The following PXK variants were observed in gnomAD, a reference collection of about 807,000 sequenced individuals.
PXK encodes the protein PX domain-containing protein kinase-like protein.
In PXK, 35 loss-of-function variants were observed where a neutral mutation model predicts 84.7. The ratio of observed to expected loss-of-function variants is 0.41; its 90% confidence interval spans 0.32 to 0.55. The LOEUF (loss-of-function observed/expected upper bound fraction) is 0.55, where lower values mean the gene tolerates loss of function less well. Among genes scored for constraint, PXK ranks in the 20% least tolerant of loss-of-function variants. The probability of loss-of-function intolerance (pLI) is 0.21; values close to 1 mark genes in which losing one functional copy is unlikely to be tolerated. For synonymous variants in PXK, 253 were observed against 260.8 expected (o/e 0.97, Z 0.29); for missense variants, 634 against 699.7 (o/e 0.91, Z 1.06).
chr3:58,352,593 T>C (rs2097955503), intron 1 of PXK, among the ~76,000 whole-genome samples: 1 of 152,220 alleles, frequency 6.6e-6, no homozygotes. Flanking sequence ...TTTCTTTACT[T>C]TGATGTAAGA....
In PXK at chr3:58,397,514, C is replaced by A; in HGVS notation, c.985-91C>A. ...AATTAGGAACGGGGCTATCCCTGGG[C>A]TTTGTTTCTCAGAGAAGCCTTGGGG... is the stretch of plus-strand genomic sequence containing the variant. On this transcript the variant is annotated intron_variant, in intron 10 of 17. Coordinates refer to ENST00000356151, the MANE Select transcript of PXK (RefSeq NM_017771.5). This position sits in a 1 kb window ranked among gnomAD's most constrained non-coding sequence, Gnocchi z 4.7. The A allele has an allele frequency of 2.7e-6, 3 of 1,121,154 alleles. No individual in the cohort carries two copies. The highest frequency in any genetic ancestry group is 1.3e-5 in the South Asian group (1 of 77,872). 69.5% of individuals were successfully genotyped at this position (1,121,154 alleles called of 1,614,324 possible).
chr3:58,347,905 G>A lies in PXK; in HGVS notation c.102+14815G>A, dbSNP rs149634422. Among the ~76,000 whole-genome samples the A allele has an allele frequency of 1.5e-3, 230 of 152,120 alleles. 3 individuals are homozygous for A. The highest frequency in any genetic ancestry group is 0.011 in the East Asian group (56 of 5,172). ...AGAGTAAGATTGAAGGTTTCTATGA[G>A]GCTAATGAACTTTGTTTTGTTTTTT... On this transcript the variant is annotated intron_variant, in intron 1 of 17. Coordinates refer to ENST00000356151, the MANE Select transcript of PXK (RefSeq NM_017771.5).
At chr3:58,374,780 A>G (rs1443810345) in intron 3 of PXK, among the ~76,000 whole-genome samples, 3 of 152,208 alleles carry the variant, frequency 2.0e-5, no homozygotes, top group African/African-American at 7.2e-5. Context: ...TAGAAATTCT[A>G]GGAGAAAGCT....
intron 1 of PXK, among the ~76,000 whole-genome samples, chr3:58,336,067 ATATATTT>A (rs1283050374): frequency 4.0e-4 from 24 of 59,508 alleles, no homozygotes; most frequent in African/African-American, 2.2e-3. Flanking sequence ...ATATATATAT[ATATATTT>A]TTTTTTTTTT....
At chr3:58,389,343 C>T (rs1256826234) in intron 4 of PXK, among the ~76,000 whole-genome samples, 1 of 152,064 alleles carries the variant, frequency 6.6e-6, no homozygotes, top group Non-Finnish European at 1.5e-5. Flanking sequence ...ATACTGTTTC[C>T]AGCTGACTTT....
chr3:58,405,273 C>G (rs1235387809), intron 13 of PXK, among the ~76,000 whole-genome samples: 1 of 140,482 alleles, frequency 7.1e-6, no homozygotes, highest in African/African-American at 2.4e-5. Flanking sequence ...TACCTACTTA[C>G]AGCTTTTTTT....
chr3:58,424,382 G>T (rs1410039802), intron 17 of PXK, among the ~76,000 whole-genome samples: 1 of 152,220 alleles, frequency 6.6e-6, no homozygotes, highest in African/African-American at 2.4e-5. Context: ...GAAGCAGACA[G>T]AGCTTCCTGG....
rs942672589 is a variant in PXK, at chr3:58,412,900, G to C, written c.1466-1G>C. On this transcript the variant is annotated splice_acceptor_variant, in intron 16 of 17. Transcript: ENST00000356151. LOFTEE classifies it high-confidence loss of function. The surrounding 1 kb of genome is among the most constrained non-coding windows in gnomAD (Gnocchi z 6.2). ...GAGGGTTTCTCTGTGTTTTATCTTA[G>C]CAGGATCTGGGGCCAGCTCACCTCT... 11 of 1,614,004 alleles carry C rather than the reference G, an allele frequency of 6.8e-6. No homozygotes were observed. Among genetic ancestry groups the C allele is most frequent in the Non-Finnish European group, 7.6e-6 (9 of 1,180,004 alleles).
intron 1 of PXK, among the ~76,000 whole-genome samples, chr3:58,356,361 C>T (rs920343921): frequency 3.3e-5 from 5 of 152,134 alleles, no homozygotes; most frequent in African/African-American, 1.2e-4. Flanking sequence ...TGTTAGCTCT[C>T]CTTTCCATGC....
chr3:58,396,919 A>T (rs1005562272), intron 9 of PXK, 120 bp from the exon 10 acceptor site: 2 of 1,074,276 alleles, frequency 1.9e-6, no homozygotes, highest in Non-Finnish European at 2.6e-6. Context: ...TTTCTTCAGG[A>T]ATCTTCTCAG....
intron 3 of PXK, among the ~76,000 whole-genome samples, chr3:58,377,704 C>T (rs777788702): frequency 4.6e-5 from 7 of 151,870 alleles, no homozygotes; most frequent in Non-Finnish European, 7.4e-5. Context: ...TTCTCCCTCC[C>T]GAAATCAGTC....
In PXK at chr3:58,369,446, A is replaced by T; in HGVS notation, c.169A>T (p.Ser57Cys). 6.2e-7 allele frequency: 1 copy of T among 1,610,280 alleles called. No homozygotes were observed. The highest frequency in any genetic ancestry group is 8.5e-7 in the Non-Finnish European group (1 of 1,176,642). ...TCTCTTACAGATTGTTAGAAGATAC[A>T]GTGACTTTGATTTGCTTAACAACAG... ...ENSWQIVRRY[S>C]DFDLLNNSLQ... Residue 57 changes from serine to cysteine, a missense_variant, in exon 3 of 18, where the codon AGT (serine) becomes TGT (cysteine). This residue lies in a region of PXK where 353 missense variants were observed against 385.2 expected (regional missense o/e 0.92). Transcript: ENST00000356151.
chr3:58,409,513 A>C lies in PXK; in HGVS notation c.1309-19A>C, dbSNP rs1023907431. 1.2e-6 allele frequency: 2 copies of C among 1,607,538 alleles called. No homozygotes were observed. Among genetic ancestry groups the C allele is most frequent in the Middle Eastern group, 1.7e-4 (1 of 6,048 alleles). On this transcript the variant is annotated intron_variant, in intron 14 of 17. Coordinates refer to ENST00000356151, the MANE Select transcript of PXK (RefSeq NM_017771.5). The surrounding 1 kb of genome is among the most constrained non-coding windows in gnomAD (Gnocchi z 4.2). Reference sequence around the variant, plus strand: ...GCTGCCTTATGTGGGATATGCTTACATCTTATGGTCTTTTAAAGATTCACC... The same window carrying C: ...GCTGCCTTATGTGGGATATGCTTACCTCTTATGGTCTTTTAAAGATTCACC...
chr3:58,402,958 C>T (rs1576610723), intron 12 of PXK, among the ~76,000 whole-genome samples: 2 of 151,888 alleles, frequency 1.3e-5, no homozygotes, highest in Admixed American at 1.3e-4. Flanking sequence ...CCCACCTCTC[C>T]CCCTAAATAG....
chr3:58,363,608 C>T (rs1033209551), intron 1 of PXK, among the ~76,000 whole-genome samples: 2 of 152,194 alleles, frequency 1.3e-5, no homozygotes, highest in South Asian at 2.1e-4. Context: ...AGGCATGAGC[C>T]GCTGAGTCTG....
At position 58,401,021 on chromosome 3, in the gene PXK, T is replaced by C. The variant is rs2058483857; in HGVS notation, c.1181+1644T>C. On this transcript the variant is annotated intron_variant, in intron 12 of 17. Coordinates refer to ENST00000356151, the MANE Select transcript of PXK (RefSeq NM_017771.5). This position sits in a 1 kb window ranked among gnomAD's most constrained non-coding sequence, Gnocchi z 4.4. ...GCACTTGTACTTAGGAAATAGCCTA[T>C]ATACAGGTTGATTTACTTGAGTTTG... 6.6e-6 allele frequency among the ~76,000 whole-genome samples: 1 copy of C among 152,226 alleles called. No individual in the cohort carries two copies. Among genetic ancestry groups the C allele is most frequent in the Non-Finnish European group, 1.5e-5 (1 of 68,038 alleles).
intron 7 of PXK, among the ~76,000 whole-genome samples, chr3:58,393,182 A>G (rs1423821109): frequency 6.6e-6 from 1 of 151,968 alleles, no homozygotes; most frequent in Non-Finnish European, 1.5e-5. Flanking sequence ...CCCTGTCTCT[A>G]CTAAAAATAG....
At chr3:58,378,701 ATTTTTTGTGT>A (rs769174118) in intron 3 of PXK, among the ~76,000 whole-genome samples, 7 of 149,452 alleles carry the variant, frequency 4.7e-5, no homozygotes, top group Admixed American at 1.3e-4. Context: ...TGCTCAGCTA[ATTTTTTGTGT>A]TTTTAGTAGA....
chr3:58,388,786 A>G (rs574465342), intron 4 of PXK, among the ~76,000 whole-genome samples: 3 of 152,350 alleles, frequency 2.0e-5, no homozygotes, highest in South Asian at 2.1e-4. Context: ...AAAATGTACT[A>G]TAAAATATAT....
Sources: allele counts gnomAD v4.1 joint callset (sites outside exome capture counted in the v4.1 genomes callset), GRCh38; gene constraint gnomAD v4.1.1; regional missense constraint gnomAD v4.1.1; non-coding constraint Gnocchi (gnomAD v3.1); transcripts MANE v1.5; gene names NCBI Gene and HGNC (gene_info 2026-07-23, HGNC 2026-07-21).